ZFAND3: variants seen among roughly 807,000 people sequenced by gnomAD.
ZFAND3 encodes AN1-type zinc finger protein 3.
ZFAND3 carries 10 observed loss-of-function variants against 29.6 expected under a neutral mutation model. That is an observed-to-expected ratio of 0.34 (90% CI 0.21 to 0.57). The LOEUF (loss-of-function observed/expected upper bound fraction) is 0.57. Among genes scored for constraint, ZFAND3 ranks in the 20% least tolerant of loss-of-function variants. ZFAND3 has a pLI of 0.86. For missense variants in ZFAND3, 230 were observed against 304.5 expected, an observed-to-expected ratio of 0.76 and a Z score of 1.82; for synonymous variants, 128 against 112.6, an observed-to-expected ratio of 1.14 and a Z score of -0.87.
chr6:38,087,039 C>T (rs1764771478), intron 4 of ZFAND3, among the ~76,000 whole-genome samples: 1 of 152,102 alleles, frequency 6.6e-6, no homozygotes, highest in South Asian at 2.1e-4. Context: ...AATCCACACA[C>T]CTACAGTGAA....
At chr6:37,925,741 A>G (rs1761473512) in intron 1 of ZFAND3, among the ~76,000 whole-genome samples, 1 of 151,316 alleles carries the variant, frequency 6.6e-6, no homozygotes, top group Admixed American at 6.6e-5. Context: ...TTTTGATGTG[A>G]GCAACTGGGA....
intron 1 of ZFAND3, among the ~76,000 whole-genome samples, chr6:37,876,203 G>A (rs1764790025): frequency 6.6e-6 from 1 of 152,214 alleles, no homozygotes. Flanking sequence ...GGAGGGCACA[G>A]CAGAAATGAA....
chr6:38,047,730 A>G (rs1763932115), intron 2 of ZFAND3, among the ~76,000 whole-genome samples: 1 of 152,178 alleles, frequency 6.6e-6, no homozygotes, highest in Admixed American at 6.5e-5. Context: ...TTGCAGTGAT[A>G]CCAGCAGTGT....
At chr6:38,120,788 C>T (rs750089176) in intron 5 of ZFAND3, among the ~76,000 whole-genome samples, 2 of 152,162 alleles carry the variant, frequency 1.3e-5, no homozygotes, top group African/African-American at 2.4e-5. Flanking sequence ...TTATTAACCT[C>T]CTGAGTAATC....
In ZFAND3 at chr6:38,143,358, A is replaced by G. The variant is rs562086252; in HGVS notation, c.530-8877A>G. Among the ~76,000 whole-genome samples the G allele has an allele frequency of 2.0e-5, 3 of 152,392 alleles. No individual in the cohort carries two copies. In the South Asian group the frequency reaches 6.2e-4, roughly 32 times the overall value. On this transcript the variant is annotated intron_variant, in intron 5 of 5. Coordinates refer to ENST00000287218, the MANE Select transcript of ZFAND3 (RefSeq NM_021943.3). ...ACTGTGGCACAGTTTTCTTGCCTGCACTGCTGACGGCTCTCTGAGAGCGAT... is the reference window on the plus strand; with the variant it reads ...ACTGTGGCACAGTTTTCTTGCCTGCGCTGCTGACGGCTCTCTGAGAGCGAT...
chr6:38,122,264 A>G (rs1280738372), intron 5 of ZFAND3, among the ~76,000 whole-genome samples: 2 of 152,146 alleles, frequency 1.3e-5, no homozygotes, highest in African/African-American at 4.8e-5. Flanking sequence ...CCTCTCATAT[A>G]CTTTGTCATC....
intron 1 of ZFAND3, among the ~76,000 whole-genome samples, chr6:37,866,294 T>C (rs1327674737): frequency 6.6e-6 from 1 of 152,176 alleles, no homozygotes; most frequent in Non-Finnish European, 1.5e-5. Flanking sequence ...TCTTTTTTGT[T>C]TCTTCCTGAA....
intron 2 of ZFAND3, among the ~76,000 whole-genome samples, chr6:38,056,534 A>T (rs181286800): frequency 6.6e-6 from 1 of 152,352 alleles, no homozygotes; most frequent in Admixed American, 6.5e-5. Flanking sequence ...GGAGTATTGC[A>T]TAGTGGCTAG....
chr6:38,086,362 A>G (rs1312028478), intron 4 of ZFAND3, among the ~76,000 whole-genome samples: 1 of 152,164 alleles, frequency 6.6e-6, no homozygotes, highest in African/African-American at 2.4e-5. Flanking sequence ...CCCCACCCCT[A>G]CCATCTTTGT....
intron 1 of ZFAND3, among the ~76,000 whole-genome samples, chr6:37,886,587 T>C (rs1764999243): frequency 6.6e-6 from 1 of 152,224 alleles, no homozygotes; most frequent in Non-Finnish European, 1.5e-5. Context: ...CATTGGTCTC[T>C]TCAGCACTGT....
At chr6:37,896,514 T>TTTTCTTTCTTTCTTTC (rs58666227) in intron 1 of ZFAND3, among the ~76,000 whole-genome samples, 6,394 of 109,082 alleles carry the variant, frequency 0.059, 317 homozygotes, top group Middle Eastern at 0.084. Flanking sequence ...TTCCTCTTTC[T>TTTTCTTTCTTTCTTTC]TTTCTTTCTT....
At chr6:37,839,847 T>A (rs937817904) in intron 1 of ZFAND3, among the ~76,000 whole-genome samples, 3 of 152,180 alleles carry the variant, frequency 2.0e-5, no homozygotes, top group African/African-American at 7.2e-5. Context: ...TGGTTACTAG[T>A]TATTTATCAG....
At chr6:37,945,618 A>C (rs1209183390) in intron 2 of ZFAND3, among the ~76,000 whole-genome samples, 2 of 152,052 alleles carry the variant, frequency 1.3e-5, no homozygotes, top group Non-Finnish European at 2.9e-5. Flanking sequence ...CCAGTGATCC[A>C]CCTGCCTTGG....
chr6:37,833,329 A>T (rs1005719670), intron 1 of ZFAND3: 1 of 152,142 alleles, frequency 6.6e-6, no homozygotes, highest in African/African-American at 2.4e-5. Flanking sequence ...AAGAAATAGC[A>T]TTTCCGGCCC....
chr6:37,833,388 C>T (rs561832780), intron 1 of ZFAND3, among the ~76,000 whole-genome samples: 3 of 152,244 alleles, frequency 2.0e-5, no homozygotes, highest in Admixed American at 2.0e-4. Context: ...CCCTTCCTCT[C>T]TCAGGGGTAA....
rs916186840 is a variant in ZFAND3, at chr6:38,154,449, A to C, written c.*2060A>C. On this transcript the variant is annotated 3_prime_UTR_variant, in exon 6 of 6. Transcript: ENST00000287218. ...GTTTGTTAAATGTAAGGAAAGCTTAAATTCTTGTATCTTTAAAAGAGAAAA... is the reference window on the plus strand; with the variant it reads ...GTTTGTTAAATGTAAGGAAAGCTTACATTCTTGTATCTTTAAAAGAGAAAA... The C allele has an allele frequency of 4.1e-6, 4 of 985,520 alleles. No individual in the cohort carries two copies. Among genetic ancestry groups the C allele is most frequent in the East Asian group, 1.1e-4 (1 of 8,814 alleles). 61.0% of individuals were successfully genotyped at this position (985,520 alleles called of 1,614,324 possible). A position where few individuals can be genotyped will look rare whatever the true frequency, so the allele number is the denominator to read the frequency against.
Position 38,133,607 on chromosome 6 carries a change from G to A in ZFAND3, c.529+16868G>A, listed in dbSNP as rs554098535. Among the ~76,000 whole-genome samples the A allele has an allele frequency of 3.5e-4, 53 of 152,070 alleles. 1 individual carries two copies. The highest frequency in any genetic ancestry group is 2.7e-3 in the Admixed American group (41 of 15,280). Reference sequence around the variant, plus strand: ...TACTAAAAATACAAAAAAATTAGCCGGGCGTGGTGGCGGGCGCCTGTAGTC... The same window carrying A: ...TACTAAAAATACAAAAAAATTAGCCAGGCGTGGTGGCGGGCGCCTGTAGTC... On this transcript the variant is annotated intron_variant, in intron 5 of 5. Transcript: ENST00000287218.
chr6:38,070,705 C>T (rs1764438190), intron 3 of ZFAND3, among the ~76,000 whole-genome samples: 1 of 152,134 alleles, frequency 6.6e-6, no homozygotes, highest in Non-Finnish European at 1.5e-5. Context: ...AGAAGAGGAA[C>T]TAACAAGTCA....
chr6:37,969,493 A>G (rs965896418), intron 2 of ZFAND3, among the ~76,000 whole-genome samples: 2 of 152,242 alleles, frequency 1.3e-5, no homozygotes, highest in Non-Finnish European at 2.9e-5. Flanking sequence ...CCTATTTTAT[A>G]ATAATGTGCT....
Sources: allele counts gnomAD v4.1 joint callset (sites outside exome capture counted in the v4.1 genomes callset), GRCh38; gene constraint gnomAD v4.1.1; transcripts MANE v1.5; gene names NCBI Gene and HGNC (gene_info 2026-07-23, HGNC 2026-07-21).